Variants in CWC22 observed in about 807,000 individuals in gnomAD.
CWC22 encodes CWC22 spliceosome associated protein.
CWC22 carries 53 observed loss-of-function variants against 117.2 expected under a neutral mutation model. The observed-to-expected ratio is 0.45, with a 90% CI of 0.36 to 0.57. The LOEUF (loss-of-function observed/expected upper bound fraction) is 0.57, where lower values mean the gene tolerates loss of function less well. CWC22 is among the 20% of genes least tolerant of loss of function. The pLI, the probability that CWC22 is intolerant of heterozygous loss-of-function variation, is 0.00. For synonymous variants in CWC22, 360 were observed against 355.6 expected (o/e 1.01, Z -0.14); for missense variants, 980 against 1,068.8 (o/e 0.92, Z 1.16).
chr2:179,975,117 T>A (rs1687125027), intron 6 of CWC22, among the ~76,000 whole-genome samples: 1 of 152,182 alleles, frequency 6.6e-6, no homozygotes, highest in African/African-American at 2.4e-5. Flanking sequence ...GCCCTCAGAT[T>A]TTAAAATAAT....
At chr2:179,991,304 A>G (rs762376676) in intron 2 of CWC22, among the ~76,000 whole-genome samples, 32 of 152,174 alleles carry the variant, frequency 2.1e-4, no homozygotes, top group Non-Finnish European at 4.3e-4. Context: ...AGGGAAAAAC[A>G]GGGGATTCTC....
At chr2:180,003,911 C>T (rs1288692420) in intron 1 of CWC22, among the ~76,000 whole-genome samples, 1 of 152,186 alleles carries the variant, frequency 6.6e-6, no homozygotes, top group Non-Finnish European at 1.5e-5. Flanking sequence ...ATAATCCATG[C>T]TTAAAGTTTG....
Position 179,973,684 on chromosome 2 carries a change from G to A in CWC22, c.700C>T (p.Leu234Phe). 2 of 1,608,510 alleles carry A rather than the reference G, an allele frequency of 1.2e-6. No homozygotes were observed. Residue 234 changes from leucine to phenylalanine, a missense_variant, in exon 7 of 20, where the codon CTC becomes TTC. By Grantham distance (22) the Leu-to-Phe change is conservative. Coordinates refer to ENST00000410053, the MANE Select transcript of CWC22 (RefSeq NM_020943.3). ...SKFPQIGELILKRLILNFRKG... is the reference protein window; with the variant it reads ...SKFPQIGELIFKRLILNFRKG... ...CGAAAATTAAGAATTAACCTTTTGA[G>A]GATTAATTCTCCAATTTGTGGAAAT...
At chr2:179,957,789 T>C (rs1052110156) in intron 14 of CWC22, among the ~76,000 whole-genome samples, 1 of 152,032 alleles carries the variant, frequency 6.6e-6, no homozygotes, top group Non-Finnish European at 1.5e-5. Flanking sequence ...CTCAGTTTTT[T>C]CTAAGGATGT....
rs560161086 is a variant in CWC22 at position 179,969,250 on chromosome 2, G to C, written c.1210+1251C>G. On this transcript the variant is annotated intron_variant, in intron 11 of 19. Transcript: ENST00000410053. ...TTTCAGGGAGACTGTAGGAAAAGAG[G>C]TTCATAAGAAAAGAAGGCAAAATGG... Among the ~76,000 whole-genome samples, 11 of 152,246 alleles carry C rather than the reference G, an allele frequency of 7.2e-5. No homozygotes were observed. In the South Asian group the frequency reaches 2.3e-3, roughly 32 times the overall value.
At chr2:179,977,655 G>A (rs1388495163) in intron 6 of CWC22, among the ~76,000 whole-genome samples, 4 of 152,180 alleles carry the variant, frequency 2.6e-5, no homozygotes, top group South Asian at 2.1e-4. Context: ...ACAATATTTT[G>A]ACCACAGTTA....
intron 13 of CWC22, among the ~76,000 whole-genome samples, chr2:179,961,672 C>G (rs1686753999): frequency 6.6e-6 from 1 of 151,940 alleles, no homozygotes; most frequent in Non-Finnish European, 1.5e-5. Flanking sequence ...AGAAATGTTA[C>G]TACTTTTCTT....
chr2:180,006,500 C>G (rs928191630), intron 1 of CWC22, among the ~76,000 whole-genome samples: 1 of 152,094 alleles, frequency 6.6e-6, no homozygotes, highest in African/African-American at 2.4e-5. Context: ...GTCTTCAAGA[C>G]TAAACACTAG....
intron 13 of CWC22, among the ~76,000 whole-genome samples, chr2:179,962,674 A>G (rs1686783849): frequency 6.6e-6 from 1 of 152,134 alleles, no homozygotes; most frequent in Non-Finnish European, 1.5e-5. Flanking sequence ...TCTGTATATA[A>G]TTATGTGTCC....
chr2:180,002,255 T>G (rs1296720049), intron 1 of CWC22, among the ~76,000 whole-genome samples: 1 of 152,246 alleles, frequency 6.6e-6, no homozygotes, highest in East Asian at 1.9e-4. Context: ...TCCTTTTCCT[T>G]ACTCCCTGTA....
Position 179,999,659 on chromosome 2 carries a change from C to T in CWC22, c.-113-6205G>A, listed in dbSNP as rs114397210. Among the ~76,000 whole-genome samples the T allele has an allele frequency of 1.5e-3, 223 of 152,212 alleles. 1 individual carries two copies. Among genetic ancestry groups the T allele is most frequent in the Non-Finnish European group, 2.6e-3 (174 of 67,984 alleles). ...CATTGTCACTTCGGTGTTCTCAGTC[C>T]AAGTTAGAGGAACTTGCTGAAACAT... On this transcript the variant is annotated intron_variant, in intron 1 of 19. Coordinates refer to ENST00000410053, the MANE Select transcript of CWC22 (RefSeq NM_020943.3).
Position 179,970,546 on chromosome 2 carries a change from G to C in CWC22, c.1165C>G (p.Pro389Ala). The change falls in exon 11 of 20, where the codon CCT becomes GCT. Residue 389 changes from proline to alanine, a missense_variant. Pro to Ala is a conservative substitution (Grantham distance 27, BLOSUM62 -1). This residue lies in a region of CWC22 where 559 missense variants were observed against 602.3 expected (regional missense o/e 0.93). Coordinates refer to ENST00000410053, the MANE Select transcript of CWC22 (RefSeq NM_020943.3). ...EDVLNVFKMD[P>A]NFMENEEKYK... is the part of the protein sequence containing the mutation. ...TTCTCTTCATTCTCCATAAAATTAGGATCCATCTTGAAAACATCTAAAAAA... is the reference window on the plus strand; with the variant it reads ...TTCTCTTCATTCTCCATAAAATTAGCATCCATCTTGAAAACATCTAAAAAA... The C allele has an allele frequency of 6.5e-7, 1 of 1,546,136 alleles. No individual in the cohort carries two copies. Among genetic ancestry groups the C allele is most frequent in the Non-Finnish European group, 8.7e-7 (1 of 1,143,138 alleles).
chr2:179,947,291 T>C (rs1686335473), intron 19 of CWC22, among the ~76,000 whole-genome samples: 1 of 152,194 alleles, frequency 6.6e-6, no homozygotes. Flanking sequence ...ACAGCTCAGC[T>C]GAGCTGCAGC....
intron 17 of CWC22, among the ~76,000 whole-genome samples, chr2:179,951,245 C>G (rs907934611): frequency 6.6e-6 from 1 of 151,622 alleles, no homozygotes; most frequent in Non-Finnish European, 1.5e-5. Context: ...TATATATATA[C>G]ACACACGTAT....
Position 179,993,188 on chromosome 2 carries a change from T to G in CWC22, c.27+127A>C. Reference sequence around the variant, plus strand: ...AAAATTGCAAAAACTGCAATTACTTTTGCACCAACCTAAGTGCCATTCTAC... The same window carrying G: ...AAAATTGCAAAAACTGCAATTACTTGTGCACCAACCTAAGTGCCATTCTAC... On this transcript the variant is annotated intron_variant, in intron 2 of 19. Transcript: ENST00000410053. 3 of 701,542 alleles carry G rather than the reference T, an allele frequency of 4.3e-6. No individual in the cohort carries two copies. The East Asian group carries it at 8.5e-5, about 20-fold the overall frequency. The allele number at this position is 701,542 out of a possible 1,614,324, so 43.5% of individuals were successfully genotyped here.
intron 2 of CWC22, among the ~76,000 whole-genome samples, chr2:179,991,703 C>A (rs1687571511): frequency 6.6e-6 from 1 of 152,142 alleles, no homozygotes; most frequent in African/African-American, 2.4e-5. Flanking sequence ...CTGTCAAGAG[C>A]CAGTTCTGTA....
In CWC22 at chr2:179,945,462, A is replaced by C; in HGVS notation, c.2394T>G (p.Ser798Arg). The C allele has an allele frequency of 6.2e-7, 1 of 1,612,596 alleles. No individual in the cohort carries two copies. The highest frequency in any genetic ancestry group is 8.5e-7 in the Non-Finnish European group (1 of 1,179,120). The stretch of plus-strand genomic sequence containing the variant: ...CTTGGTCTCTGTCATTCGCAACTCT[A>C]CTGTAGTTATTTCGTTCAGAAGGAA... ...KDVPSERNNY[S>R]RVANDRDQEM... The change falls in exon 20 of 20, where the codon AGT (serine) becomes AGG (arginine). Residue 798 changes from serine (S) to arginine (R), a missense_variant. Physicochemically the swap from Ser to Arg is moderately radical, Grantham distance 110 (BLOSUM62 -1). Transcript: ENST00000410053.
chr2:179,959,025 T>C lies in CWC22; in HGVS notation c.1455A>G (p.Gln485=). 6.5e-7 allele frequency: 1 copy of C among 1,549,800 alleles called. No homozygotes were observed. The highest frequency in any genetic ancestry group is 2.3e-5 in the East Asian group (1 of 42,744). ...AATAGAAAAAGTATTAACATACTGT[T>C]TGGCTTTCAGGAAACTCCATTTTCA... is the stretch of plus-strand genomic sequence containing the variant. ...KLLKMEFPES[Q]TKELCNMILD... Residue 485 remains glutamine, a synonymous_variant, in exon 14 of 20, where the codon CAA becomes CAG. Transcript: ENST00000410053.
intron 1 of CWC22, among the ~76,000 whole-genome samples, chr2:179,995,017 C>A (rs1319583840): frequency 6.6e-6 from 1 of 152,158 alleles, no homozygotes; most frequent in Non-Finnish European, 1.5e-5. Context: ...ACTCCGGAGG[C>A]TGAGGTGGGA....
Sources: gnomAD v4.1 joint callset for allele counts (sites outside exome capture counted in the v4.1 genomes callset) on GRCh38, gnomAD v4.1.1 for gene constraint, gnomAD v4.1.1 regional missense constraint, MANE v1.5 for transcripts, NCBI Gene and HGNC (gene_info 2026-07-23, HGNC 2026-07-21) for gene names.